The following RGS3 variants were observed in gnomAD, a reference collection of about 807,000 sequenced individuals.
The protein encoded by RGS3 is regulator of G protein signaling 3, also known as regulator of G-protein signalling 3.
In RGS3, 80 loss-of-function variants were observed where a neutral mutation model predicts 132.6. The observed-to-expected ratio is 0.60, with a 90% CI of 0.50 to 0.73. RGS3 has a LOEUF of 0.73. Ranked by LOEUF, RGS3 falls within the 30% of genes least tolerant of loss-of-function variation. RGS3 has a pLI of 0.00. For missense variants in RGS3, 1,382 were observed against 1,530.8 expected, an observed-to-expected ratio of 0.90 and a Z score of 1.62; for synonymous variants, 598 against 620.6, an observed-to-expected ratio of 0.96 and a Z score of 0.54.
chr9:113,514,000 C>A (rs754657919), intron 14 of RGS3, among the ~76,000 whole-genome samples: 16 of 152,280 alleles, frequency 1.1e-4, no homozygotes, highest in Admixed American at 3.3e-4. Context: ...TTAAGGAGAG[C>A]GCGTACCCTG....
At chr9:113,494,749 C>T (rs1164907063) in intron 7 of RGS3, among the ~76,000 whole-genome samples, 1 of 152,188 alleles carries the variant, frequency 6.6e-6, no homozygotes, top group African/African-American at 2.4e-5. Context: ...TGCTGGATTA[C>T]AGGTGTGAGC....
rs183570022 is a variant in RGS3 at position 113,565,195 on chromosome 9, C to A, written c.2038-18255C>A. 1.6e-6 allele frequency: 2 copies of A among 1,241,412 alleles called. No homozygotes were observed. Among genetic ancestry groups the A allele is most frequent in the East Asian group, 1.1e-4 (2 of 17,544 alleles). 76.9% of individuals were successfully genotyped at this position (1,241,412 alleles called of 1,614,324 possible). ...GCATGTAACCCGGGAGCCAGCTGGG[C>A]CCCTCGCGGGGTGGGCAGAAGGACG... is the stretch of plus-strand genomic sequence containing the variant. On this transcript the variant is annotated intron_variant, in intron 19 of 24. Coordinates refer to ENST00000350696, the Ensembl canonical transcript of RGS3. The surrounding 1 kb of genome is among the most constrained non-coding windows in gnomAD (Gnocchi z 5.7).
chr9:113,445,947 G>A (rs747643999), intron 1 of RGS3, among the ~76,000 whole-genome samples: 10 of 152,258 alleles, frequency 6.6e-5, no homozygotes, highest in African/African-American at 9.6e-5. Flanking sequence ...CCAAAATGCC[G>A]GGATTACAGG....
At chr9:113,578,835 G>A (rs1202004768) in intron 19 of RGS3, among the ~76,000 whole-genome samples, 1 of 152,208 alleles carries the variant, frequency 6.6e-6, no homozygotes, top group Non-Finnish European at 1.5e-5. Flanking sequence ...AGTTCACAGA[G>A]TGCCTTCCTG....
At chr9:113,575,593 C>T (rs1411732324) in intron 19 of RGS3, among the ~76,000 whole-genome samples, 5 of 152,148 alleles carry the variant, frequency 3.3e-5, no homozygotes, top group Non-Finnish European at 5.9e-5. Flanking sequence ...TGGAACTGGT[C>T]CTGGGCGAGG....
intron 23 of RGS3, 159 bp from the exon 22 acceptor site, chr9:113,595,440 G>T (rs1248507285): frequency 4.2e-6 from 3 of 710,982 alleles, no homozygotes; most frequent in African/African-American, 3.6e-5. Flanking sequence ...GCAGTGGCAG[G>T]GCTGGGGCCA....
intron 16 of RGS3, among the ~76,000 whole-genome samples, chr9:113,518,724 C>T (rs764305635): frequency 6.6e-6 from 1 of 152,136 alleles, no homozygotes; most frequent in Non-Finnish European, 1.5e-5. Context: ...TTTTCCGAAC[C>T]TCCTCTTGGG....
At chr9:113,447,361 A>ATATATATATAT (rs1554751008) in intron 1 of RGS3, among the ~76,000 whole-genome samples, 1 of 118,420 alleles carries the variant, frequency 8.4e-6, no homozygotes, top group African/African-American at 3.1e-5. Context: ...ATATATATAT[A>ATATATATATAT]GGCAAGGGTT....
chr9:113,453,884 C>A (rs1829310803), intron 1 of RGS3, among the ~76,000 whole-genome samples: 1 of 151,766 alleles, frequency 6.6e-6, no homozygotes, highest in Non-Finnish European at 1.5e-5. Flanking sequence ...TGCTCTGTCA[C>A]CCAGGCTGTG....
At chr9:113,462,280 G>A in intron 3 of RGS3, 1 of 393,138 alleles carries the variant, frequency 2.5e-6, no homozygotes, top group Non-Finnish European at 3.6e-6. Flanking sequence ...ATGTGTGTGT[G>A]TAACCGGGGT....
In RGS3 at chr9:113,536,835, G is replaced by T; in HGVS notation, c.1954G>T (p.Glu652Ter). Residue 652 changes from glutamate to a stop codon, truncating the protein, a stop_gained, in exon 19 of 25, where the codon GAG (glutamate) becomes TAG (stop). Coordinates refer to ENST00000350696, the Ensembl canonical transcript of RGS3. LOFTEE classifies it high-confidence loss of function. ...ATTCACTTTGGAAGCGCACTCGCAG[G>T]AGCAGAAGAAGAGAGTGTGCTGGTG... 6.2e-7 allele frequency: 1 copy of T among 1,614,172 alleles called. No individual in the cohort carries two copies. Among genetic ancestry groups the T allele is most frequent in the South Asian group, 1.1e-5 (1 of 91,076 alleles).
At position 113,579,114 on chromosome 9, in the gene RGS3, G is replaced by A. The variant is rs1834670046; in HGVS notation, c.2038-4336G>A. Among the ~76,000 whole-genome samples the A allele has an allele frequency of 6.6e-6, 1 of 152,198 alleles. No homozygotes were observed. Among genetic ancestry groups the A allele is most frequent in the Admixed American group, 6.5e-5 (1 of 15,280 alleles). ...CAGGAAGTGGTTTTCGAGGGCAGAT[G>A]CAGAGCCCGGCATCCGTGGTGGCTG... On this transcript the variant is annotated intron_variant, in intron 19 of 24. Coordinates refer to ENST00000350696, the Ensembl canonical transcript of RGS3. This position sits in a 1 kb window ranked among gnomAD's most constrained non-coding sequence, Gnocchi z 4.3.
At chr9:113,584,534 G>A in intron 20 of RGS3, 107 bp downstream of exon 18, 2 of 1,272,592 alleles carry the variant, frequency 1.6e-6, no homozygotes, top group Admixed American at 3.1e-5. Context: ...CACTATCCTG[G>A]CAGCCTCCCA....
chr9:113,452,310 T>C (rs1371849328), intron 1 of RGS3, among the ~76,000 whole-genome samples: 1 of 152,166 alleles, frequency 6.6e-6, no homozygotes, highest in South Asian at 2.1e-4. Flanking sequence ...GCCTGTTTTT[T>C]TTCTTTCAAT....
At chr9:113,482,823 G>A in intron 4 of RGS3, 2 of 925,058 alleles carry the variant, frequency 2.2e-6, no homozygotes, top group Middle Eastern at 2.4e-4. Context: ...TGAGGGTGCT[G>A]CCAGAGAGTG....
chr9:113,580,981 C>T (rs377702912), intron 19 of RGS3: 72 of 978,834 alleles, frequency 7.4e-5, no homozygotes, highest in African/African-American at 1.8e-4. Context: ...TGCTTCCTTC[C>T]GTCTTTCCCC....
At chr9:113,453,134 TATACTC>T (rs1829293309) in intron 1 of RGS3, among the ~76,000 whole-genome samples, 1 of 132,654 alleles carries the variant, frequency 7.5e-6, no homozygotes, top group Admixed American at 8.3e-5. Context: ...GATTATATAA[TATACTC>T]ATATGATTAT....
intron 17 of RGS3, among the ~76,000 whole-genome samples, chr9:113,528,632 G>T (rs577597250): frequency 2.0e-5 from 3 of 152,170 alleles, no homozygotes; most frequent in Non-Finnish European, 2.9e-5. Context: ...GTGGAGGGGA[G>T]TTAGTGAATG....
intron 19 of RGS3, among the ~76,000 whole-genome samples, chr9:113,575,599 C>T (rs906807132): frequency 7.2e-5 from 11 of 152,238 alleles, no homozygotes; most frequent in Non-Finnish European, 8.8e-5. Flanking sequence ...TGGTCCTGGG[C>T]GAGGTTCTGG....
Sources: gnomAD v4.1 joint callset for allele counts (sites outside exome capture counted in the v4.1 genomes callset) on GRCh38, gnomAD v4.1.1 for gene constraint, Gnocchi (gnomAD v3.1) non-coding constraint, MANE v1.5 for transcripts, NCBI Gene and HGNC (gene_info 2026-07-23, HGNC 2026-07-21) for gene names.